The following TOP6BL variants were observed in gnomAD, a reference collection of about 807,000 sequenced individuals.
TOP6BL encodes type 2 DNA topoisomerase 6 subunit B-like.
the TOP6BL span, among the ~76,000 whole-genome samples, chr11:66,772,032 A>G: frequency 6.6e-6 from 1 of 152,230 alleles, no homozygotes; most frequent in Non-Finnish European, 1.5e-5. Flanking sequence ...TCTAGATGCC[A>G]TTAAGAGCAT....
the TOP6BL span, among the ~76,000 whole-genome samples, chr11:66,751,762 T>TC: frequency 2.0e-5 from 3 of 152,180 alleles, no homozygotes; most frequent in Non-Finnish European, 4.4e-5. Flanking sequence ...GTTATAATTT[T>TC]CCAACCACGT....
At chr11:66,829,454 A>G in the TOP6BL span, among the ~76,000 whole-genome samples, 3 of 152,116 alleles carry the variant, frequency 2.0e-5, no homozygotes. Context: ...ATGCACCTGT[A>G]ATCCCAGCTA....
the TOP6BL span, among the ~76,000 whole-genome samples, chr11:66,748,961 T>C: frequency 3.9e-5 from 6 of 152,096 alleles, no homozygotes; most frequent in African/African-American, 1.4e-4. Flanking sequence ...CATGCTTTTA[T>C]CATTTTTGCC....
the TOP6BL span, among the ~76,000 whole-genome samples, chr11:66,793,203 A>G: frequency 1.3e-5 from 2 of 151,152 alleles, no homozygotes; most frequent in Admixed American, 1.3e-4. Context: ...CTGGTGTCTT[A>G]GCCTCCCAAG....
the TOP6BL span, among the ~76,000 whole-genome samples, chr11:66,780,205 T>C: frequency 6.6e-6 from 1 of 152,188 alleles, no homozygotes; most frequent in African/African-American, 2.4e-5. Context: ...ATAGTGTTTT[T>C]TTGCTCAATT....
At chr11:66,829,753 G>T in the TOP6BL span, among the ~76,000 whole-genome samples, 3 of 152,152 alleles carry the variant, frequency 2.0e-5, no homozygotes, top group East Asian at 3.9e-4. Flanking sequence ...GCCAGGCATG[G>T]TGGCACATGC....
the TOP6BL span, among the ~76,000 whole-genome samples, chr11:66,756,851 CAGGTG>C: frequency 1.3e-5 from 2 of 152,000 alleles, no homozygotes; most frequent in Admixed American, 1.3e-4. Flanking sequence ...AGCTGGACTA[CAGGTG>C]TGTGCCATCA....
the TOP6BL span, among the ~76,000 whole-genome samples, chr11:66,787,611 T>A: frequency 6.7e-6 from 1 of 150,298 alleles, no homozygotes; most frequent in Non-Finnish European, 1.5e-5. Flanking sequence ...TCCCAGCTAC[T>A]TGGGTGGCTG....
At chr11:66,744,822 C>CGGA in the TOP6BL span, 1 of 1,054,322 alleles carries the variant, frequency 9.5e-7, no homozygotes, top group Non-Finnish European at 1.2e-6. Context: ...GAGGAGGGGG[C>CGGA]GGCGGCGGCG....
the TOP6BL span, among the ~76,000 whole-genome samples, chr11:66,835,520 A>G: frequency 6.6e-6 from 1 of 152,218 alleles, no homozygotes; most frequent in Non-Finnish European, 1.5e-5. Flanking sequence ...CACTAAAATT[A>G]CAGAACATCT....
the TOP6BL span, among the ~76,000 whole-genome samples, chr11:66,776,594 C>A: frequency 1.3e-5 from 2 of 152,044 alleles, no homozygotes; most frequent in Middle Eastern, 3.4e-3. Context: ...TCGAGACCAG[C>A]CTGGTCAACA....
At chr11:66,780,696 C>T in the TOP6BL span, among the ~76,000 whole-genome samples, 1 of 152,110 alleles carries the variant, frequency 6.6e-6, no homozygotes, top group Non-Finnish European at 1.5e-5. Context: ...TCTTGTGCTT[C>T]AGCCTCCTGA....
the TOP6BL span, among the ~76,000 whole-genome samples, chr11:66,784,058 T>C: frequency 6.6e-6 from 1 of 152,050 alleles, no homozygotes; most frequent in African/African-American, 2.4e-5. Flanking sequence ...TGAGATGGAG[T>C]CTTGCTCTGT....
chr11:66,832,389 C>T, the TOP6BL span, among the ~76,000 whole-genome samples: 9,656 of 152,228 alleles, frequency 0.063, 749 homozygotes, highest in Admixed American at 0.23. Flanking sequence ...CATGAGCCAC[C>T]GCGCTATGGA....
chr11:66,768,715 G>A, the TOP6BL span, among the ~76,000 whole-genome samples: 1 of 91,494 alleles, frequency 1.1e-5, no homozygotes, highest in African/African-American at 4.4e-5. Context: ...TCTTTTCCTT[G>A]TTACATTTAT....
At chr11:66,774,380 A>G in the TOP6BL span, among the ~76,000 whole-genome samples, 1 of 152,058 alleles carries the variant, frequency 6.6e-6, no homozygotes, top group African/African-American at 2.4e-5. Context: ...TTTAGAATAA[A>G]TCTTGCTATA....
chr11:66,778,814 G>C, the TOP6BL span, among the ~76,000 whole-genome samples: 2 of 152,104 alleles, frequency 1.3e-5, no homozygotes, highest in East Asian at 3.9e-4. Flanking sequence ...CCAAAACAGA[G>C]ATATAGACCA....
chr11:66,755,206 C>T, the TOP6BL span, among the ~76,000 whole-genome samples: 8 of 151,842 alleles, frequency 5.3e-5, no homozygotes, highest in South Asian at 4.2e-4. Flanking sequence ...CTTCAACCTC[C>T]GCCTCCTGGG....
the TOP6BL span, among the ~76,000 whole-genome samples, chr11:66,792,184 A>G: frequency 1.3e-5 from 2 of 152,156 alleles, no homozygotes; most frequent in African/African-American, 2.4e-5. Context: ...GTTGTGTTGT[A>G]TTAATTATCC....
Sources: gnomAD v4.1 joint callset for allele counts (sites outside exome capture counted in the v4.1 genomes callset) on GRCh38, gnomAD v4.1.1 for gene constraint, MANE v1.5 for transcripts, NCBI Gene and HGNC (gene_info 2026-07-23, HGNC 2026-07-21) for gene names.